MARCHF1: variants seen among roughly 807,000 people sequenced by gnomAD.
The protein encoded by MARCHF1 is E3 ubiquitin-protein ligase MARCHF1.
Under a neutral mutation model 54.2 loss-of-function variants are expected in MARCHF1, and 40 were observed. That is an observed-to-expected ratio of 0.74 (90% CI 0.57 to 0.96). The LOEUF (loss-of-function observed/expected upper bound fraction) is 0.96, where lower values mean the gene tolerates loss of function less well. MARCHF1 is among the 40% of genes least tolerant of loss of function. The pLI, the probability that MARCHF1 is intolerant of heterozygous loss-of-function variation, is 0.00. For missense variants in MARCHF1, 586 were observed against 656.5 expected (o/e 0.89, Z 1.17); for synonymous variants, 236 against 236.3 (o/e 1.00, Z 0.01).
Position 163,683,857 on chromosome 4 carries a change from G to T in MARCHF1, c.162+16956C>A, listed in dbSNP as rs142293263. ...GCTCTGCTTGGTATCAGCTAAAAAG[G>T]ATTGAAGGCTCAAGGCAGACATCAT... On this transcript the variant is annotated intron_variant, in intron 5 of 9. Transcript: ENST00000514618. Among the ~76,000 whole-genome samples the T allele has an allele frequency of 3.6e-3, 548 of 152,184 alleles. 4 individuals are homozygous for T. The highest frequency in any genetic ancestry group is 0.012 in the African/African-American group (508 of 41,522).
At position 163,767,098 on chromosome 4, in the gene MARCHF1, T is replaced by TAA. The variant is rs530799338; in HGVS notation, c.112-66237_112-66236dup. ...TTTTTCAGATAAGGATACGGCGATGTAAAAAAAAAAAAAAAAAAAAAAGTC... is the reference window on the plus strand; with the variant it reads ...TTTTTCAGATAAGGATACGGCGATGTAAAAAAAAAAAAAAAAAAAAAAAAGTC... On this transcript the variant is annotated intron_variant, in intron 4 of 9. Transcript: ENST00000514618. 8.1e-3 allele frequency among the ~76,000 whole-genome samples: 867 copies of TAA among 106,630 alleles called. 13 individuals are homozygous for TAA. Among genetic ancestry groups the TAA allele is most frequent in the African/African-American group, 0.028 (801 of 28,336 alleles). 70.0% of individuals were successfully genotyped at this position (106,630 alleles called of 152,430 possible). A position where few individuals can be genotyped will look rare whatever the true frequency, so the allele number is the denominator to read the frequency against.
At chr4:163,543,823 C>T (rs567778121) in intron 9 of MARCHF1, among the ~76,000 whole-genome samples, 2 of 152,130 alleles carry the variant, frequency 1.3e-5, no homozygotes, top group African/African-American at 4.8e-5. Context: ...CCTCTTCTTA[C>T]ATCTACGAGA....
At chr4:164,070,938 G>T (rs768857679) in intron 2 of MARCHF1, among the ~76,000 whole-genome samples, 2 of 152,150 alleles carry the variant, frequency 1.3e-5, no homozygotes, top group Admixed American at 6.5e-5. Context: ...AGTCTTATGA[G>T]ATCTGACGGG....
At chr4:164,062,894 G>C (rs954757016) in intron 2 of MARCHF1, among the ~76,000 whole-genome samples, 1 of 152,198 alleles carries the variant, frequency 6.6e-6, no homozygotes, top group Non-Finnish European at 1.5e-5. Context: ...CAGAATGGAT[G>C]TTATGTTAGC....
At chr4:163,873,000 C>G (rs1017415278) in intron 3 of MARCHF1, among the ~76,000 whole-genome samples, 6 of 151,590 alleles carry the variant, frequency 4.0e-5, no homozygotes, top group Non-Finnish European at 5.9e-5. Flanking sequence ...GCCGAGATCG[C>G]GCCACTGCAC....
intron 2 of MARCHF1, among the ~76,000 whole-genome samples, chr4:164,012,548 G>C (rs1269699125): frequency 6.6e-6 from 1 of 152,108 alleles, no homozygotes; most frequent in Non-Finnish European, 1.5e-5. Flanking sequence ...CAGCAGCCAG[G>C]CAATTGTGGC....
chr4:163,589,977 C>T (rs1740533462), intron 7 of MARCHF1, among the ~76,000 whole-genome samples: 1 of 151,944 alleles, frequency 6.6e-6, no homozygotes, highest in African/African-American at 2.4e-5. Flanking sequence ...ACTGAATAAA[C>T]TCTTACTTTT....
At chr4:164,326,980 T>C (rs1735298817) in intron 1 of MARCHF1, among the ~76,000 whole-genome samples, 1 of 151,362 alleles carries the variant, frequency 6.6e-6, no homozygotes, top group South Asian at 2.1e-4. Context: ...TGTGTGTGTG[T>C]GTGTGTGTGT....
At chr4:164,292,571 G>A (rs528891310) in intron 1 of MARCHF1, among the ~76,000 whole-genome samples, 21 of 152,164 alleles carry the variant, frequency 1.4e-4, no homozygotes, top group African/African-American at 4.6e-4. Context: ...TAGTGTTGCA[G>A]GTTTACTGTC....
intron 1 of MARCHF1, among the ~76,000 whole-genome samples, chr4:164,171,224 T>C (rs1055958784): frequency 1.3e-5 from 2 of 152,158 alleles, no homozygotes; most frequent in Admixed American, 1.3e-4. Flanking sequence ...CAATAATTCC[T>C]TTTCAGTGTG....
intron 9 of MARCHF1, among the ~76,000 whole-genome samples, chr4:163,532,227 A>G (rs143503517): frequency 7.4e-4 from 113 of 152,046 alleles, no homozygotes; most frequent in African/African-American, 2.7e-3. Flanking sequence ...TGTGGTATCA[A>G]TGAAAGAATA....
intron 1 of MARCHF1, among the ~76,000 whole-genome samples, chr4:164,341,555 A>C (rs900958684): frequency 2.6e-5 from 4 of 152,380 alleles, no homozygotes; most frequent in Admixed American, 2.6e-4. Context: ...ATAGTTATGG[A>C]AACTGGAAAG....
chr4:164,105,267 T>G (rs987648716), intron 2 of MARCHF1, among the ~76,000 whole-genome samples: 6 of 100,906 alleles, frequency 5.9e-5, no homozygotes, highest in African/African-American at 2.1e-4. Context: ...AAAAACTACT[T>G]TAAAGTTCAT....
At chr4:163,793,326 T>A (rs1247308884) in intron 4 of MARCHF1, among the ~76,000 whole-genome samples, 1 of 152,142 alleles carries the variant, frequency 6.6e-6, no homozygotes, top group African/African-American at 2.4e-5. Context: ...TGGTGGATTT[T>A]TATAAAATCA....
At chr4:163,882,458 A>G (rs537892087) in intron 3 of MARCHF1, among the ~76,000 whole-genome samples, 1 of 152,342 alleles carries the variant, frequency 6.6e-6, no homozygotes, top group African/African-American at 2.4e-5. Context: ...GTAGGCAGCT[A>G]TGATATTAGG....
At chr4:164,060,044 A>G (rs1400111708) in intron 2 of MARCHF1, among the ~76,000 whole-genome samples, 2 of 152,140 alleles carry the variant, frequency 1.3e-5, no homozygotes, top group East Asian at 3.9e-4. Context: ...CCTCAATTAA[A>G]TTAGATAATT....
chr4:163,790,504 G>A (rs1203564171), intron 4 of MARCHF1, among the ~76,000 whole-genome samples: 1 of 152,040 alleles, frequency 6.6e-6, no homozygotes, highest in Non-Finnish European at 1.5e-5. Context: ...TCACTTAGGT[G>A]CTAATAATGT....
At chr4:163,847,743 G>C (rs1477428285) in intron 4 of MARCHF1, among the ~76,000 whole-genome samples, 1 of 151,758 alleles carries the variant, frequency 6.6e-6, no homozygotes, top group Non-Finnish European at 1.5e-5. Context: ...ACCAGGCCTG[G>C]CTAACTTTTT....
At chr4:164,163,423 T>G (rs1195760252) in intron 1 of MARCHF1, among the ~76,000 whole-genome samples, 2 of 152,034 alleles carry the variant, frequency 1.3e-5, no homozygotes, top group Non-Finnish European at 2.9e-5. Context: ...AGTTTAAATT[T>G]GATGTATTAA....
Sources: allele counts gnomAD v4.1 joint callset (sites outside exome capture counted in the v4.1 genomes callset), GRCh38; gene constraint gnomAD v4.1.1; transcripts MANE v1.5; gene names NCBI Gene and HGNC (gene_info 2026-07-23, HGNC 2026-07-21).